ADAMTS6: variants seen among roughly 807,000 people sequenced by gnomAD.
ADAMTS6 encodes A disintegrin and metalloproteinase with thrombospondin motifs 6.
Under a neutral mutation model 144.3 loss-of-function variants are expected in ADAMTS6, and 23 were observed. The observed-to-expected ratio is 0.16, with a 90% confidence interval of 0.11 to 0.23. The LOEUF (loss-of-function observed/expected upper bound fraction) is 0.23. Ranked by LOEUF, ADAMTS6 falls within the 10% of genes least tolerant of loss-of-function variation. The probability of loss-of-function intolerance (pLI) is 1.00; values close to 1 mark genes in which losing one functional copy is unlikely to be tolerated. For missense variants in ADAMTS6, 999 were observed against 1,379.6 expected (o/e 0.72, Z 4.37); for synonymous variants, 444 against 457.5 (o/e 0.97, Z 0.38).
At chr5:65,375,967 T>G (rs1467486938) in intron 7 of ADAMTS6, among the ~76,000 whole-genome samples, 1 of 152,136 alleles carries the variant, frequency 6.6e-6, no homozygotes, top group Non-Finnish European at 1.5e-5. Flanking sequence ...TGTAGGGACA[T>G]GGATGAAATT....
chr5:65,285,700 A>G (rs1201113582), intron 11 of ADAMTS6, among the ~76,000 whole-genome samples: 1 of 152,186 alleles, frequency 6.6e-6, no homozygotes, highest in Non-Finnish European at 1.5e-5. Flanking sequence ...GGAAATGATA[A>G]ATGTTAAGGA....
Position 65,300,225 on chromosome 5 carries a change from C to T in ADAMTS6, c.1224-94G>A, listed in dbSNP as rs1052074414. ...TTATTTGGCCATTTATTAGCCTTAT[C>T]AACATATGCCTTCCATCAGGATAGG... is the stretch of plus-strand genomic sequence containing the variant. On this transcript the variant is annotated intron_variant, in intron 9 of 24. Coordinates refer to ENST00000381055, the MANE Select transcript of ADAMTS6 (RefSeq NM_197941.4). The T allele has an allele frequency of 2.6e-6, 3 of 1,156,532 alleles. No homozygotes were observed. The East Asian group carries it at 7.2e-5, about 28-fold the overall frequency. 71.6% of individuals were successfully genotyped at this position (1,156,532 alleles called of 1,614,324 possible).
rs369842353 is a variant in ADAMTS6 at position 65,361,479 on chromosome 5, C to T, written c.1074-27394G>A. ...CAACCTACAACTCCCAAATTGTTTC[C>T]GCTTCTACACCACCGCAACTAACAA... On this transcript the variant is annotated intron_variant, in intron 7 of 24. Coordinates refer to ENST00000381055, the MANE Select transcript of ADAMTS6 (RefSeq NM_197941.4). Among the ~76,000 whole-genome samples, 39 of 152,210 alleles carry T rather than the reference C, an allele frequency of 2.6e-4. No individual in the cohort carries two copies. In the East Asian group the frequency reaches 3.7e-3, roughly 14 times the overall value.
At chr5:65,348,186 T>C (rs1375060094) in intron 7 of ADAMTS6, among the ~76,000 whole-genome samples, 1 of 152,100 alleles carries the variant, frequency 6.6e-6, no homozygotes, top group Non-Finnish European at 1.5e-5. Context: ...AAAGTCAGTA[T>C]GTCAAGGAGC....
chr5:65,409,757 T>C (rs1234009023), intron 7 of ADAMTS6, among the ~76,000 whole-genome samples: 3 of 152,188 alleles, frequency 2.0e-5, no homozygotes, highest in Admixed American at 6.5e-5. Context: ...AATAAAATAC[T>C]GGCAAACTGA....
intron 7 of ADAMTS6, among the ~76,000 whole-genome samples, chr5:65,443,660 T>G (rs541914056): frequency 7.1e-4 from 102 of 144,032 alleles, no homozygotes; most frequent in African/African-American, 2.6e-3. Flanking sequence ...GTTGGTATTC[T>G]AAACCAATCA....
At chr5:65,434,844 T>G (rs1054812108) in intron 7 of ADAMTS6, among the ~76,000 whole-genome samples, 2 of 143,968 alleles carry the variant, frequency 1.4e-5, no homozygotes. Context: ...TTAGCAGACA[T>G]AAAATGATTA....
At chr5:65,250,860 C>T (rs1242267934) in intron 14 of ADAMTS6, among the ~76,000 whole-genome samples, 1 of 152,130 alleles carries the variant, frequency 6.6e-6, no homozygotes, top group African/African-American at 2.4e-5. Context: ...CTTCTTTAGG[C>T]TTTGATATGA....
At chr5:65,228,778 T>C (rs1473173095) in intron 15 of ADAMTS6, among the ~76,000 whole-genome samples, 1 of 152,190 alleles carries the variant, frequency 6.6e-6, no homozygotes, top group Non-Finnish European at 1.5e-5. Flanking sequence ...TCCCTAGCTG[T>C]GTGGGACGCT....
At chr5:65,399,941 A>T (rs777252271) in intron 7 of ADAMTS6, among the ~76,000 whole-genome samples, 16 of 152,162 alleles carry the variant, frequency 1.1e-4, no homozygotes, top group Non-Finnish European at 2.4e-4. Flanking sequence ...AGGCAGATCT[A>T]TTGGTAATAA....
At chr5:65,327,862 C>T (rs952844502) in intron 9 of ADAMTS6, among the ~76,000 whole-genome samples, 1 of 152,188 alleles carries the variant, frequency 6.6e-6, no homozygotes, top group African/African-American at 2.4e-5. Context: ...TTCACATACA[C>T]AGTGTTCACC....
rs781654370 is a variant in ADAMTS6, at chr5:65,215,330, G to A, written c.2430C>T (p.Ile810=). 4.3e-6 allele frequency: 7 copies of A among 1,613,152 alleles called. No homozygotes were observed. The South Asian group carries it at 4.4e-5, about 10-fold the overall frequency. ...EALGPTSENL[I]VMVLLQEQNL... is the part of the protein sequence containing the mutation. ...ATGGCAAAGACGCATTTACCATGACGATGAGATTTTCTGAGGTAGGACCTA... is the reference window on the plus strand; with the variant it reads ...ATGGCAAAGACGCATTTACCATGACAATGAGATTTTCTGAGGTAGGACCTA... The change falls in exon 19 of 25, where the codon ATC becomes ATT. Residue 810 remains isoleucine (I), a synonymous_variant. Transcript: ENST00000381055.
At position 65,273,807 on chromosome 5, in the gene ADAMTS6, A is replaced by C. The variant is rs146302513; in HGVS notation, c.1513-360T>G. Among the ~76,000 whole-genome samples the C allele has an allele frequency of 3.2e-4, 48 of 152,320 alleles. 1 individual carries two copies. The highest frequency in any genetic ancestry group is 1.5e-5 in the Non-Finnish European group (1 of 68,020). On this transcript the variant is annotated intron_variant, in intron 11 of 24. Transcript: ENST00000381055. ...ACACTCAAGAATATACAATAATACAAACTTACCAATTACTAATAAAGAGAT... is the reference window on the plus strand; with the variant it reads ...ACACTCAAGAATATACAATAATACACACTTACCAATTACTAATAAAGAGAT...
intron 24 of ADAMTS6, among the ~76,000 whole-genome samples, chr5:65,152,230 A>G (rs1293615583): frequency 6.6e-6 from 1 of 152,242 alleles, no homozygotes; most frequent in African/African-American, 2.4e-5. Flanking sequence ...TGAAAGAATT[A>G]CCATTTGCTA....
chr5:65,459,750 C>T (rs894788959), intron 4 of ADAMTS6, among the ~76,000 whole-genome samples: 1 of 152,138 alleles, frequency 6.6e-6, no homozygotes, highest in Non-Finnish European at 1.5e-5. Flanking sequence ...ATAGTATCCT[C>T]GCTCAGTGCT....
intron 4 of ADAMTS6, among the ~76,000 whole-genome samples, chr5:65,459,721 G>A (rs1275430719): frequency 6.6e-6 from 1 of 151,982 alleles, no homozygotes; most frequent in Admixed American, 6.6e-5. Flanking sequence ...TAAGTTTGTT[G>A]CCCGTACTAC....
intron 24 of ADAMTS6, among the ~76,000 whole-genome samples, chr5:65,154,187 G>A (rs766278160): frequency 2.6e-5 from 4 of 152,196 alleles, no homozygotes; most frequent in Non-Finnish European, 5.9e-5. Flanking sequence ...CAGCCTGGGC[G>A]ACAGAGCTAG....
chr5:65,211,773 A>G (rs190530332), intron 20 of ADAMTS6, among the ~76,000 whole-genome samples: 1 of 152,322 alleles, frequency 6.6e-6, no homozygotes, highest in East Asian at 1.9e-4. Context: ...CATCTCCCAC[A>G]TTAGAAAGGA....
intron 9 of ADAMTS6, among the ~76,000 whole-genome samples, chr5:65,324,674 A>T (rs1390328260): frequency 6.6e-6 from 1 of 152,084 alleles, no homozygotes; most frequent in Non-Finnish European, 1.5e-5. Flanking sequence ...TTTTATCCAT[A>T]ATACAGTTCA....
Sources: gnomAD v4.1 joint callset for allele counts (sites outside exome capture counted in the v4.1 genomes callset) on GRCh38, gnomAD v4.1.1 for gene constraint, MANE v1.5 for transcripts, NCBI Gene and HGNC (gene_info 2026-07-23, HGNC 2026-07-21) for gene names.